The following BIN3 variants were observed in gnomAD, a reference collection of about 807,000 sequenced individuals.
The protein encoded by BIN3 is bridging integrator 3.
BIN3 carries 41 observed loss-of-function variants against 38.2 expected under a neutral mutation model. The ratio of observed to expected loss-of-function variants is 1.07; its 90% confidence interval spans 0.84 to 1.39. The LOEUF (loss-of-function observed/expected upper bound fraction) is 1.39. Among genes scored for constraint, BIN3 ranks in the 40% most tolerant of loss-of-function variants. The pLI, the probability that BIN3 is intolerant of heterozygous loss-of-function variation, is 0.00. For synonymous variants in BIN3, 145 were observed against 122.6 expected (o/e 1.18, Z -1.21); for missense variants, 361 against 324.3 (o/e 1.11, Z -0.87).
rs1200213869 is a variant in BIN3, at chr8:22,637,429, G to A, written c.58-467C>T. 4.6e-5 allele frequency among the ~76,000 whole-genome samples: 7 copies of A among 152,318 alleles called. No individual in the cohort carries two copies. In the South Asian group the frequency reaches 1.2e-3, roughly 27 times the overall value. On this transcript the variant is annotated intron_variant, in intron 2 of 8. Coordinates refer to ENST00000276416, the MANE Select transcript of BIN3 (RefSeq NM_018688.6). ...CCTCCTACGCGGCCCTCCACTCAGGGCCACCTGCCCCTGCTGGGCTCAGGG... is the reference window on the plus strand; with the variant it reads ...CCTCCTACGCGGCCCTCCACTCAGGACCACCTGCCCCTGCTGGGCTCAGGG...
chr8:22,628,773 C>T (rs367988285), intron 6 of BIN3, among the ~76,000 whole-genome samples: 6 of 152,284 alleles, frequency 3.9e-5, no homozygotes, highest in African/African-American at 1.4e-4. Flanking sequence ...CAGAAAAGCC[C>T]TCTGTGGGCA....
chr8:22,644,146 T>C (rs1446281854), intron 2 of BIN3, among the ~76,000 whole-genome samples: 2 of 152,284 alleles, frequency 1.3e-5, no homozygotes, highest in Non-Finnish European at 2.9e-5. Context: ...AGATGGTCTC[T>C]ATGAGCTTCC....
intron 8 of BIN3, among the ~76,000 whole-genome samples, chr8:22,622,922 C>T (rs1211977159): frequency 6.6e-6 from 1 of 152,222 alleles, no homozygotes; most frequent in South Asian, 2.1e-4. Flanking sequence ...GGTCCCGCCC[C>T]GGCATGAACC....
chr8:22,655,701 C>T (rs941265907), intron 1 of BIN3, among the ~76,000 whole-genome samples: 3 of 152,162 alleles, frequency 2.0e-5, no homozygotes, highest in Non-Finnish European at 2.9e-5. Flanking sequence ...AGTGTGAGTT[C>T]TCCAGCTTTG....
At chr8:22,641,142 C>G (rs1802544145) in intron 2 of BIN3, among the ~76,000 whole-genome samples, 1 of 152,210 alleles carries the variant, frequency 6.6e-6, no homozygotes, top group South Asian at 2.1e-4. Flanking sequence ...ATCTGAACAT[C>G]TTTGAATGCT....
chr8:22,629,180 G>A (rs919970388), intron 6 of BIN3, among the ~76,000 whole-genome samples: 2 of 152,176 alleles, frequency 1.3e-5, no homozygotes, highest in African/African-American at 4.8e-5. Flanking sequence ...TGGGCCCTGG[G>A]CCAGGCCAGT....
chr8:22,663,207 A>AGT (rs3220194), intron 1 of BIN3, among the ~76,000 whole-genome samples: 56,868 of 150,062 alleles, frequency 0.38, 11,049 homozygotes, highest in African/African-American at 0.49. Context: ...TTCAAGTATA[A>AGT]GTGTGTGTGT....
At chr8:22,628,976 G>A (rs1307530758) in intron 6 of BIN3, among the ~76,000 whole-genome samples, 5 of 152,244 alleles carry the variant, frequency 3.3e-5, no homozygotes, top group Admixed American at 6.5e-5. Context: ...GGCCAGGGCC[G>A]GAGCCGGAGG....
intron 1 of BIN3, among the ~76,000 whole-genome samples, chr8:22,649,851 ACACACACC>A (rs1157833674): frequency 0.049 from 1,648 of 33,778 alleles, 31 homozygotes; most frequent in African/African-American, 0.077. Context: ...ACACACACAC[ACACACACC>A]CCCAAAGGAA....
At chr8:22,633,220 T>C (rs1343547959) in intron 4 of BIN3, among the ~76,000 whole-genome samples, 2 of 152,134 alleles carry the variant, frequency 1.3e-5, no homozygotes, top group Non-Finnish European at 2.9e-5. Flanking sequence ...CTGTAATCCC[T>C]GTGCTTTGGG....
intron 2 of BIN3, among the ~76,000 whole-genome samples, chr8:22,643,465 G>A (rs1029188812): frequency 3.9e-5 from 6 of 152,196 alleles, no homozygotes; most frequent in Non-Finnish European, 8.8e-5. Context: ...CAAGTAGCTG[G>A]GACTACAGGC....
chr8:22,632,591 T>C (rs936205634), intron 4 of BIN3, among the ~76,000 whole-genome samples: 62 of 152,182 alleles, frequency 4.1e-4, no homozygotes, highest in African/African-American at 1.4e-3. Context: ...ATAATAAAAT[T>C]CTGGATAAAG....
chr8:22,664,222 C>A (rs1011006955), intron 1 of BIN3, among the ~76,000 whole-genome samples: 3 of 152,220 alleles, frequency 2.0e-5, no homozygotes, highest in African/African-American at 7.2e-5. Flanking sequence ...TATAACACCT[C>A]TGACTAAGTA....
rs1391075601 is a variant in BIN3, at chr8:22,630,508, G to A, written c.231C>T (p.Asp77=). Residue 77 remains aspartate, a synonymous_variant, in exon 5 of 9, where the codon GAC becomes GAT. Coordinates refer to ENST00000276416, the MANE Select transcript of BIN3 (RefSeq NM_018688.6). ...LSNPLCEQDQ[D]LLNMVTALDT... The stretch of plus-strand genomic sequence containing the variant: ...CCAGGGCCGTCACCATGTTCAGAAG[G>A]TCCTGGTCTTGCTCACAGAGGGGAT... 1.4e-5 allele frequency: 23 copies of A among 1,613,926 alleles called. No homozygotes were observed. Among genetic ancestry groups the A allele is most frequent in the Non-Finnish European group, 1.9e-5 (23 of 1,179,904 alleles).
intron 1 of BIN3, among the ~76,000 whole-genome samples, chr8:22,668,623 T>G (rs951300650): frequency 6.6e-6 from 1 of 152,188 alleles, no homozygotes; most frequent in African/African-American, 2.4e-5. Flanking sequence ...GGGTTTTGAT[T>G]AGTGAACTGG....
chr8:22,657,721 G>C (rs1179655709), intron 1 of BIN3, among the ~76,000 whole-genome samples: 3 of 152,256 alleles, frequency 2.0e-5, no homozygotes, highest in South Asian at 4.1e-4. Flanking sequence ...AAGGAAGGGA[G>C]AGTGAGAGGA....
chr8:22,659,545 C>A (rs575975392), intron 1 of BIN3, among the ~76,000 whole-genome samples: 1 of 152,354 alleles, frequency 6.6e-6, no homozygotes, highest in East Asian at 1.9e-4. Context: ...GCGATCATCT[C>A]ATCAAAGCAA....
chr8:22,644,457 G>C (rs534795051), intron 2 of BIN3: 6 of 369,138 alleles, frequency 1.6e-5, no homozygotes, highest in African/African-American at 6.2e-5. Context: ...CCACAAGCCA[G>C]TCCCTAGAGG....
At chr8:22,625,768 A>G in intron 6 of BIN3, 1 of 200,020 alleles carries the variant, frequency 5.0e-6, no homozygotes, top group Admixed American at 5.0e-5. Context: ...TCGTATTTTT[A>G]GTGGAGACGG....
Sources: allele counts gnomAD v4.1 joint callset (sites outside exome capture counted in the v4.1 genomes callset), GRCh38; gene constraint gnomAD v4.1.1; transcripts MANE v1.5; gene names NCBI Gene and HGNC (gene_info 2026-07-23, HGNC 2026-07-21).